PTPRT: variants seen among roughly 807,000 people sequenced by gnomAD.
The protein encoded by PTPRT is protein tyrosine phosphatase receptor type T.
A neutral mutation model predicts 176.8 loss-of-function variants in PTPRT; 56 were observed. The ratio of observed to expected loss-of-function variants is 0.32; its 90% CI spans 0.26 to 0.40. The LOEUF is 0.40. Among genes scored for constraint, PTPRT ranks in the 10% least tolerant of loss-of-function variants. PTPRT has a pLI of 1.00. For missense variants in PTPRT, 1,540 were observed against 1,908.2 expected (o/e 0.81, Z 3.60); for synonymous variants, 783 against 739.0 (o/e 1.06, Z -0.96).
intron 13 of PTPRT, among the ~76,000 whole-genome samples, chr20:42,278,485 C>G (rs1302841468): frequency 6.6e-6 from 1 of 151,776 alleles, no homozygotes; most frequent in African/African-American, 2.4e-5. Context: ...GCAGGCAAGA[C>G]TGGTGGGGCA....
intron 1 of PTPRT, among the ~76,000 whole-genome samples, chr20:43,073,496 T>TACACAC (rs2011210290): frequency 8.0e-6 from 1 of 125,282 alleles, no homozygotes; most frequent in African/African-American, 3.1e-5. Flanking sequence ...CACACACACG[T>TACACAC]GTGCTATACA....
chr20:42,415,892 CAA>C (rs888843520), intron 9 of PTPRT, among the ~76,000 whole-genome samples: 16 of 152,058 alleles, frequency 1.1e-4, no homozygotes, highest in African/African-American at 3.6e-4. Flanking sequence ...TATATTGATA[CAA>C]AAAGACAATG....
At chr20:42,939,895 T>C (rs1292842927) in intron 1 of PTPRT, among the ~76,000 whole-genome samples, 1 of 152,182 alleles carries the variant, frequency 6.6e-6, no homozygotes, top group East Asian at 1.9e-4. Flanking sequence ...GATAAATAGA[T>C]ATAATCTTAT....
At chr20:42,487,936 G>A (rs974115128) in intron 7 of PTPRT, among the ~76,000 whole-genome samples, 2 of 152,064 alleles carry the variant, frequency 1.3e-5, no homozygotes, top group African/African-American at 2.4e-5. Context: ...TCTTCTGCCC[G>A]AATGAGTTCT....
chr20:42,474,733 A>G (rs1223699715), intron 7 of PTPRT, among the ~76,000 whole-genome samples: 1 of 152,190 alleles, frequency 6.6e-6, no homozygotes, highest in Non-Finnish European at 1.5e-5. Context: ...GAGCAGATGT[A>G]CAGGCACACA....
intron 9 of PTPRT, among the ~76,000 whole-genome samples, chr20:42,365,227 C>T (rs764648859): frequency 2.0e-5 from 3 of 152,120 alleles, no homozygotes; most frequent in South Asian, 2.1e-4. Flanking sequence ...ATTTCTATTC[C>T]GGCTAGCCAC....
At chr20:42,498,693 A>G (rs1056642601) in intron 7 of PTPRT, among the ~76,000 whole-genome samples, 13 of 152,124 alleles carry the variant, frequency 8.5e-5, no homozygotes, top group African/African-American at 2.9e-4. Flanking sequence ...GGCTTCATCT[A>G]CATGACAGGA....
intron 24 of PTPRT, among the ~76,000 whole-genome samples, chr20:42,106,413 C>T (rs894207501): frequency 5.9e-5 from 9 of 152,208 alleles, no homozygotes; most frequent in African/African-American, 1.7e-4. Flanking sequence ...TCGCTTGGCA[C>T]GTAGTGGTCA....
At chr20:43,094,336 T>C (rs1286198215) in intron 1 of PTPRT, among the ~76,000 whole-genome samples, 1 of 149,954 alleles carries the variant, frequency 6.7e-6, no homozygotes, top group Non-Finnish European at 1.5e-5. Flanking sequence ...TCCACCCATC[T>C]CAGCCTCCCG....
intron 1 of PTPRT, among the ~76,000 whole-genome samples, chr20:43,050,862 C>T (rs1002842801): frequency 6.6e-6 from 1 of 152,178 alleles, no homozygotes; most frequent in Non-Finnish European, 1.5e-5. Context: ...TCAAGCTTGA[C>T]CAATCAAAGC....
chr20:42,486,823 C>T (rs911337690), intron 7 of PTPRT, among the ~76,000 whole-genome samples: 4 of 152,024 alleles, frequency 2.6e-5, no homozygotes, highest in African/African-American at 7.3e-5. Context: ...GCACCAGAGC[C>T]GAGCCAAGCC....
chr20:43,051,919 AT>A (rs1987061945), intron 1 of PTPRT, among the ~76,000 whole-genome samples: 1 of 152,212 alleles, frequency 6.6e-6, no homozygotes, highest in African/African-American at 2.4e-5. Flanking sequence ...ATCAAAAAAA[AT>A]TACTTGAAAA....
At chr20:42,307,869 A>C (rs556969643) in intron 12 of PTPRT, among the ~76,000 whole-genome samples, 24 of 152,294 alleles carry the variant, frequency 1.6e-4, no homozygotes, top group Admixed American at 3.3e-4. Flanking sequence ...GATGTTGTTG[A>C]TGAAACAGGT....
At chr20:42,571,966 G>A (rs896318730) in intron 7 of PTPRT, among the ~76,000 whole-genome samples, 3 of 152,120 alleles carry the variant, frequency 2.0e-5, no homozygotes, top group African/African-American at 4.8e-5. Context: ...TCCTGTATTC[G>A]TTTGAGCTGT....
intron 6 of PTPRT, among the ~76,000 whole-genome samples, chr20:42,710,727 G>C (rs1481020914): frequency 6.6e-6 from 1 of 152,244 alleles, no homozygotes; most frequent in Non-Finnish European, 1.5e-5. Flanking sequence ...GTGGAATTGT[G>C]GGAATGAGGG....
At chr20:43,053,679 C>A (rs140919046) in intron 1 of PTPRT, among the ~76,000 whole-genome samples, 21 of 152,308 alleles carry the variant, frequency 1.4e-4, no homozygotes, top group Non-Finnish European at 2.5e-4. Flanking sequence ...AGACAGTTCA[C>A]TCCTTCTCCA....
chr20:42,652,464 C>T (rs6030395), intron 7 of PTPRT, among the ~76,000 whole-genome samples: 38,459 of 152,044 alleles, frequency 0.25, 5,270 homozygotes, highest in East Asian at 0.44. Flanking sequence ...TTCCAGCCTG[C>T]ATCTGGTTAT....
intron 7 of PTPRT, among the ~76,000 whole-genome samples, chr20:42,482,677 G>A (rs535743560): frequency 4.1e-4 from 63 of 152,174 alleles, no homozygotes; most frequent in Non-Finnish European, 7.3e-4. Context: ...AGAGAGACTG[G>A]AGGGTTGGGA....
intron 11 of PTPRT, among the ~76,000 whole-genome samples, chr20:42,337,489 TG>T (rs1348956238): frequency 1.3e-5 from 2 of 152,254 alleles, no homozygotes; most frequent in East Asian, 3.9e-4. Context: ...AAAGGATGCT[TG>T]GTATCCTCAG....
Sources: allele counts gnomAD v4.1 joint callset (sites outside exome capture counted in the v4.1 genomes callset), GRCh38; gene constraint gnomAD v4.1.1; transcripts MANE v1.5; gene names NCBI Gene and HGNC (gene_info 2026-07-23, HGNC 2026-07-21).